The following NPHP4 variants were observed in gnomAD, a reference collection of about 807,000 sequenced individuals.
NPHP4 encodes the protein nephrocystin-4.
In NPHP4, 151 loss-of-function variants were observed where a neutral mutation model predicts 155.8. The observed-to-expected ratio is 0.97, with a 90% confidence interval of 0.85 to 1.11. NPHP4 has a LOEUF of 1.11. Ranked by LOEUF, NPHP4 falls within the 50% of genes least tolerant of loss-of-function variation. The pLI, the probability that NPHP4 is intolerant of heterozygous loss-of-function variation, is 0.00. For missense variants in NPHP4, 1,956 were observed against 1,925.7 expected, an observed-to-expected ratio of 1.02 and a Z score of -0.29; for synonymous variants, 845 against 816.8, an observed-to-expected ratio of 1.03 and a Z score of -0.59.
At chr1:5,978,506 C>T in intron 2 of NPHP4, 93 bp from the exon 3 acceptor site, 7 of 1,203,286 alleles carry the variant, frequency 5.8e-6, no homozygotes, top group Non-Finnish European at 8.3e-6. Flanking sequence ...GGGGCCACCT[C>T]GCTCAGATAT....
At chr1:5,924,008 A>G (rs1645873632) in intron 11 of NPHP4, among the ~76,000 whole-genome samples, 1 of 152,252 alleles carries the variant, frequency 6.6e-6, no homozygotes, top group Non-Finnish European at 1.5e-5. Context: ...AAGCCAGAGG[A>G]AACACTGAAC....
intron 23 of NPHP4, among the ~76,000 whole-genome samples, chr1:5,869,071 CCACATGCATGCACCCACACATGCA>C (rs1469920386): frequency 1.7e-4 from 21 of 126,254 alleles, no homozygotes; most frequent in East Asian, 1.3e-3. Context: ...ACATGCATGC[CCACATGCATGCACCCACACATGCA>C]CACATGCATG....
chr1:5,887,759 G>A (rs1309224698), intron 17 of NPHP4, among the ~76,000 whole-genome samples: 2 of 152,218 alleles, frequency 1.3e-5, no homozygotes, highest in Admixed American at 6.5e-5. Flanking sequence ...GGCATAAGTG[G>A]GTCTGGCAGC....
At chr1:5,901,302 G>A (rs949705559) in intron 16 of NPHP4, among the ~76,000 whole-genome samples, 8 of 152,210 alleles carry the variant, frequency 5.3e-5, no homozygotes, top group African/African-American at 1.9e-4. Context: ...CTTATGAGAG[G>A]CTCAGTCCTG....
In NPHP4 at chr1:5,867,799, T is replaced by G. The variant is rs200928069; in HGVS notation, c.3413A>C (p.His1138Pro). 6.2e-7 allele frequency: 1 copy of G among 1,612,626 alleles called. No individual in the cohort carries two copies. The highest frequency in any genetic ancestry group is 8.5e-7 in the Non-Finnish European group (1 of 1,179,816). The part of the protein sequence containing the change: ...HVVDQVFRFY[H>P]PELSFLKKAI... ...CTTCTTCAGGAAGGAGAGCTCCGGGTGATAGAAGCGGAAGACCTGGTCCAC... is the reference window on the plus strand; with the variant it reads ...CTTCTTCAGGAAGGAGAGCTCCGGGGGATAGAAGCGGAAGACCTGGTCCAC... Residue 1138 changes from histidine to proline, a missense_variant, in exon 24 of 30, where the codon CAC (histidine) becomes CCC (proline). His to Pro is a moderately conservative substitution (Grantham distance 77). Coordinates refer to ENST00000378156, the MANE Select transcript of NPHP4 (RefSeq NM_015102.5). This position sits in a 1 kb window ranked among gnomAD's most constrained non-coding sequence, Gnocchi z 4.1.
chr1:5,904,765 A>C lies in NPHP4; in HGVS notation c.1995T>G (p.Thr665=). The C allele has an allele frequency of 6.2e-7, 1 of 1,614,016 alleles. No individual in the cohort carries two copies. The highest frequency in any genetic ancestry group is 2.2e-5 in the East Asian group (1 of 44,886). ...GGTAGAACTGGAAGGTGAAATACAC[A>C]GTCTTTGGCCATGATGTTCCTCGGC... ...QDCRGTSWPK[T]VYFTFQFYRF... The change falls in exon 16 of 30, where the codon ACT becomes ACG. Residue 665 remains threonine, a synonymous_variant. Coordinates refer to ENST00000378156, the MANE Select transcript of NPHP4 (RefSeq NM_015102.5).
In NPHP4 at chr1:5,865,375, G is replaced by A. The variant is rs1287857524; in HGVS notation, c.3645-102C>T. The A allele has an allele frequency of 4.5e-6, 5 of 1,115,050 alleles. No homozygotes were observed. The African/African-American group carries it at 4.7e-5, about 10-fold the overall frequency. 69.1% of individuals were successfully genotyped at this position (1,115,050 alleles called of 1,614,324 possible). A position where few individuals can be genotyped will look rare whatever the true frequency, so the allele number is the denominator to read the frequency against. ...CAGGAGCGTGGGCAGACAGGAGGCTGTGCAGGGAAAGCCCCAGAGGACCAG... is the reference window on the plus strand; with the variant it reads ...CAGGAGCGTGGGCAGACAGGAGGCTATGCAGGGAAAGCCCCAGAGGACCAG... On this transcript the variant is annotated intron_variant, in intron 26 of 29. Transcript: ENST00000378156.
chr1:5,954,146 A>G (rs1365709274), intron 6 of NPHP4, among the ~76,000 whole-genome samples: 1 of 152,200 alleles, frequency 6.6e-6, no homozygotes, highest in African/African-American at 2.4e-5. Context: ...GAAAATAATC[A>G]AAGACAGAAG....
intron 16 of NPHP4, among the ~76,000 whole-genome samples, chr1:5,895,832 C>T (rs1180431231): frequency 2.0e-5 from 3 of 152,234 alleles, no homozygotes; most frequent in Admixed American, 2.0e-4. Context: ...AACCACCCCA[C>T]AGAGCATGAT....
Position 5,927,698 on chromosome 1 carries a change from G to A in NPHP4, c.1392C>T (p.Gly464=). The A allele has an allele frequency of 1.9e-6, 3 of 1,613,342 alleles. No homozygotes were observed. Among genetic ancestry groups the A allele is most frequent in the Non-Finnish European group, 1.7e-6 (2 of 1,179,376 alleles). The stretch of plus-strand genomic sequence containing the variant: ...TGGAAGGCCGCCGCTCCACTTTGGG[G>A]CCACTGACAGGCTCCGTGGGTGCAT... ...HLDAPTEPVS[G]PKVERRPSRK... Residue 464 remains glycine (G), a synonymous_variant, in exon 11 of 30, where the codon GGC becomes GGT. Coordinates refer to ENST00000378156, the MANE Select transcript of NPHP4 (RefSeq NM_015102.5).
intron 11 of NPHP4, among the ~76,000 whole-genome samples, chr1:5,919,351 A>T (rs1462184321): frequency 6.6e-6 from 1 of 152,228 alleles, no homozygotes; most frequent in Non-Finnish European, 1.5e-5. Context: ...TACTGAGCAG[A>T]AGGTACAGGG....
chr1:5,984,168 T>A (rs1655127048), intron 2 of NPHP4, among the ~76,000 whole-genome samples: 1 of 152,212 alleles, frequency 6.6e-6, no homozygotes, highest in African/African-American at 2.4e-5. Context: ...CTTGCGGTCT[T>A]AAGAACAATA....
Position 5,875,055 on chromosome 1 carries a change from T to A in NPHP4, c.2863A>T (p.Ile955Phe). 6.2e-7 allele frequency: 1 copy of A among 1,608,060 alleles called. No homozygotes were observed. The change falls in exon 21 of 30, where the codon ATC (isoleucine) becomes TTC (phenylalanine). Residue 955 changes from isoleucine (I) to phenylalanine (F), a missense_variant. By Grantham distance (21) the Ile-to-Phe change is conservative. Coordinates refer to ENST00000378156, the MANE Select transcript of NPHP4 (RefSeq NM_015102.5). ...TTCGTGCGTTCCCGGTAGGCGGCGA[T>A]GACCTGTAGGTCCCGCAAGTGCTGT... Reference protein sequence around the residue: ...RTQHLRDLQVIAAYRERTKAE... With the variant: ...RTQHLRDLQVFAAYRERTKAE...
intron 29 of NPHP4, 50 bp from the exon 30 acceptor site, chr1:5,863,455 C>T: frequency 6.3e-7 from 1 of 1,595,960 alleles, no homozygotes; most frequent in Admixed American, 1.7e-5. Flanking sequence ...CTGTCCCACG[C>T]TCTCACCAGC....
In NPHP4 at chr1:5,892,116, C is replaced by T. The variant is rs1027206657; in HGVS notation, c.2144-1088G>A. On this transcript the variant is annotated intron_variant, in intron 16 of 29. Coordinates refer to ENST00000378156, the MANE Select transcript of NPHP4 (RefSeq NM_015102.5). The surrounding 1 kb of genome is among the most constrained non-coding windows in gnomAD (Gnocchi z 4.5). ...GCTGGTGATTAACATCACGCAAGGG[C>T]AGGCATGTCCCCAGTGTGGCACCTC... Among the ~76,000 whole-genome samples, 4 of 152,186 alleles carry T rather than the reference C, an allele frequency of 2.6e-5. No homozygotes were observed. The highest frequency in any genetic ancestry group is 9.7e-5 in the African/African-American group (4 of 41,448).
Position 5,937,493 on chromosome 1 carries a change from T to G in NPHP4, c.1120-4164A>C, listed in dbSNP as rs115820792. 9.2e-3 allele frequency among the ~76,000 whole-genome samples: 1,409 copies of G among 152,372 alleles called. 23 individuals are homozygous for G. Among genetic ancestry groups the G allele is most frequent in the African/African-American group, 0.031 (1,299 of 41,592 alleles). On this transcript the variant is annotated intron_variant, in intron 9 of 29. Transcript: ENST00000378156. ...CACGAGCTTCATTTTGTTTAGATTT[T>G]CAGTGAGACCTTTTCACTCTTGCCT...
At chr1:5,896,330 A>T (rs1485184815) in intron 16 of NPHP4, among the ~76,000 whole-genome samples, 2 of 152,232 alleles carry the variant, frequency 1.3e-5, no homozygotes, top group East Asian at 3.8e-4. Context: ...AAAATAAATG[A>T]ATCATACTGA....
At chr1:5,964,941 A>ATATATATATTTTTTTTTTTT in intron 5 of NPHP4, among the ~76,000 whole-genome samples, 8 of 59,402 alleles carry the variant, frequency 1.3e-4, no homozygotes, top group African/African-American at 5.1e-4. Context: ...ATATATATAT[A>ATATATATATTTTTTTTTTTT]TTTTTTTTTT....
intron 11 of NPHP4, among the ~76,000 whole-genome samples, chr1:5,922,459 T>C (rs1459946385): frequency 6.6e-6 from 1 of 152,232 alleles, no homozygotes; most frequent in Non-Finnish European, 1.5e-5. Flanking sequence ...TTCTAGAAAT[T>C]AGAACATTAC....
Sources: allele counts gnomAD v4.1 joint callset (sites outside exome capture counted in the v4.1 genomes callset), GRCh38; gene constraint gnomAD v4.1.1; non-coding constraint Gnocchi (gnomAD v3.1); transcripts MANE v1.5; gene names NCBI Gene and HGNC (gene_info 2026-07-23, HGNC 2026-07-21).